PSAP: variants seen among roughly 807,000 people sequenced by gnomAD.
PSAP encodes prosaposin.
Under a neutral mutation model 66.0 loss-of-function variants are expected in PSAP, and 25 were observed. That is an observed-to-expected ratio of 0.38 (90% CI 0.28 to 0.53). The LOEUF (loss-of-function observed/expected upper bound fraction) is 0.53, where lower values mean the gene tolerates loss of function less well. Ranked by LOEUF, PSAP falls within the 20% of genes least tolerant of loss-of-function variation. PSAP has a pLI of 0.83. For missense variants in PSAP, 649 were observed against 668.8 expected (o/e 0.97, Z 0.33); for synonymous variants, 273 against 258.9 (o/e 1.05, Z -0.52).
At chr10:71,824,331 GGGGGTAAGGGATCCCTGA>G (rs1468249997) in intron 7 of PSAP, among the ~76,000 whole-genome samples, 1 of 152,204 alleles carries the variant, frequency 6.6e-6, no homozygotes, top group Non-Finnish European at 1.5e-5. Flanking sequence ...CCCAAGTAAG[GGGGGTAAGGGATCCCTGA>G]GGGGTAAGGG....
intron 4 of PSAP, among the ~76,000 whole-genome samples, chr10:71,830,886 T>G (rs1246631932): frequency 6.6e-6 from 1 of 152,218 alleles, no homozygotes; most frequent in Non-Finnish European, 1.5e-5. Flanking sequence ...CCGGTTTACA[T>G]TCCTTCAGCA....
intron 1 of PSAP, among the ~76,000 whole-genome samples, chr10:71,841,271 T>C (rs1842728693): frequency 6.6e-6 from 1 of 152,258 alleles, no homozygotes. Context: ...CTCTGCACAT[T>C]TGCAGAAGAT....
At chr10:71,819,391 A>C in intron 11 of PSAP, 74 bp downstream of exon 11, 2 of 1,589,356 alleles carry the variant, frequency 1.3e-6, no homozygotes, top group South Asian at 2.2e-5. Flanking sequence ...TTTTCCATCA[A>C]AATGTACCCC....
At chr10:71,851,116 G>A (rs965337442) in intron 1 of PSAP, 66 bp downstream of exon 1, 26 of 1,527,740 alleles carry the variant, frequency 1.7e-5, no homozygotes, top group Non-Finnish European at 2.2e-5. Flanking sequence ...GCCCGGCACA[G>A]CCCATTCTGG....
chr10:71,820,412 GGACACAGA>G (rs1027273513), intron 8 of PSAP, 77 bp from the exon 9 acceptor site: 161 of 1,237,564 alleles, frequency 1.3e-4, no homozygotes, highest in Non-Finnish European at 1.8e-4. Flanking sequence ...AAAGGAAAGG[GGACACAGA>G]GACCAGGGTG....
intron 7 of PSAP, among the ~76,000 whole-genome samples, chr10:71,824,862 C>T (rs1485464277): frequency 1.3e-5 from 2 of 152,170 alleles, no homozygotes; most frequent in South Asian, 2.1e-4. Context: ...GATTAAATCC[C>T]GTCAATGCTT....
At chr10:71,827,425 A>G (rs1445218656) in intron 6 of PSAP, among the ~76,000 whole-genome samples, 1 of 139,014 alleles carries the variant, frequency 7.2e-6, no homozygotes, top group Non-Finnish European at 1.6e-5. Context: ...AAAGAAAAGA[A>G]AAGAAAAAAA....
rs578099574 is a variant in PSAP, at chr10:71,817,429, A to T, written c.*12T>A. The T allele has an allele frequency of 1.9e-6, 3 of 1,613,968 alleles. No individual in the cohort carries two copies. The highest frequency in any genetic ancestry group is 4.5e-5 in the East Asian group (2 of 44,878). The stretch of plus-strand genomic sequence containing the variant: ...ATGCTGTGGTTTCTGCCAAGATGGA[A>T]TATTCCTCCTCCTAGTTCCACACAT... On this transcript the variant is annotated 3_prime_UTR_variant, in exon 14 of 14. Transcript: ENST00000394936.
rs1199611460 is a variant in PSAP, at chr10:71,821,906, G to A, written c.879C>T (p.Ile293=). Residue 293 remains isoleucine, a synonymous_variant, in exon 8 of 14, where the codon ATC becomes ATT. Coordinates refer to ENST00000394936, the MANE Select transcript of PSAP (RefSeq NM_002778.4). The stretch of plus-strand genomic sequence containing the variant: ...TGGGCTCCACCAGTTCCAGGGCAGG[G>A]ATGACATTCTTGGAGGCCACTTTGG... ...VPAKVASKNV[I]PALELVEPIK... The A allele has an allele frequency of 2.7e-5, 44 of 1,614,088 alleles. No homozygotes were observed. Among genetic ancestry groups the A allele is most frequent in the African/African-American group, 4.0e-5 (3 of 74,924 alleles).
chr10:71,833,751 T>C (rs1842566618), intron 2 of PSAP, among the ~76,000 whole-genome samples: 1 of 152,222 alleles, frequency 6.6e-6, no homozygotes, highest in Non-Finnish European at 1.5e-5. Context: ...CTTGTCGCCT[T>C]AGACCATGCC....
intron 8 of PSAP, among the ~76,000 whole-genome samples, chr10:71,821,370 C>T (rs371151833): frequency 6.6e-6 from 1 of 152,214 alleles, no homozygotes; most frequent in South Asian, 2.1e-4. Context: ...ATAATAAATG[C>T]CAAATACAAA....
At position 71,825,894 on chromosome 10, in the gene PSAP, C is replaced by A; in HGVS notation, c.721-1G>T. ...AATACTGGCTGATATAGTTCTTGCA[C>A]TGAGGAGAGAGAAACAGATTGCTAA... is the stretch of plus-strand genomic sequence containing the variant. On this transcript the variant is annotated splice_acceptor_variant, in intron 6 of 13. Coordinates refer to ENST00000394936, the MANE Select transcript of PSAP (RefSeq NM_002778.4). LOFTEE classifies it high-confidence loss of function. The A allele has an allele frequency of 6.2e-7, 1 of 1,612,870 alleles. No homozygotes were observed. Among genetic ancestry groups the A allele is most frequent in the Non-Finnish European group, 8.5e-7 (1 of 1,178,840 alleles).
At chr10:71,839,184 T>C (rs1462121271) in intron 1 of PSAP, among the ~76,000 whole-genome samples, 1 of 55,836 alleles carries the variant, frequency 1.8e-5, no homozygotes, top group African/African-American at 3.8e-5. Context: ...TCGGGGCAAA[T>C]TGAGCACTTC....
chr10:71,851,090 G>T, intron 1 of PSAP, 92 bp downstream of exon 1: 2 of 1,433,594 alleles, frequency 1.4e-6, no homozygotes, highest in Non-Finnish European at 1.9e-6. Flanking sequence ...TAGGGCAGGG[G>T]GAGCAGAGGG....
chr10:71,819,049 A>G lies in PSAP; in HGVS notation c.1413T>C (p.Asp471=). 6.2e-7 allele frequency: 1 copy of G among 1,614,124 alleles called. No individual in the cohort carries two copies. The highest frequency in any genetic ancestry group is 8.5e-7 in the Non-Finnish European group (1 of 1,179,982). ...GGCTCACCAAGCACACGAAGGAAGG[A>G]TCCATCACCTCCACCAGGATCTCGA... ...VLIEILVEVM[D]PSFVCLKIGA... is the part of the protein sequence containing the mutation. The change falls in exon 12 of 14, where the codon GAT becomes GAC. Residue 471 remains aspartate, a synonymous_variant. Coordinates refer to ENST00000394936, the MANE Select transcript of PSAP (RefSeq NM_002778.4).
intron 12 of PSAP, 44 bp from the exon 13 acceptor site, chr10:71,818,768 C>T: frequency 6.7e-7 from 1 of 1,490,028 alleles, no homozygotes; most frequent in Non-Finnish European, 9.4e-7. Flanking sequence ...AGAATGAGAG[C>T]TGCCCGATGT....
At chr10:71,832,543 G>A (rs1266606947) in intron 2 of PSAP, among the ~76,000 whole-genome samples, 2 of 152,154 alleles carry the variant, frequency 1.3e-5, no homozygotes, top group Admixed American at 6.5e-5. Flanking sequence ...TGAGACTGAG[G>A]AACACCTATG....
At chr10:71,850,154 A>G (rs1021099741) in intron 1 of PSAP, among the ~76,000 whole-genome samples, 1 of 152,204 alleles carries the variant, frequency 6.6e-6, no homozygotes, top group African/African-American at 2.4e-5. Flanking sequence ...CACATTCTAT[A>G]GAGAATCCCC....
chr10:71,832,013 C>T (rs1842530868), intron 2 of PSAP, 93 bp from the exon 3 acceptor site: 3 of 1,251,188 alleles, frequency 2.4e-6, no homozygotes, highest in Non-Finnish European at 3.5e-6. Flanking sequence ...GCTATTCTCT[C>T]TAACCAGGGA....
Sources: gnomAD v4.1 joint callset for allele counts (sites outside exome capture counted in the v4.1 genomes callset) on GRCh38, gnomAD v4.1.1 for gene constraint, MANE v1.5 for transcripts, NCBI Gene and HGNC (gene_info 2026-07-23, HGNC 2026-07-21) for gene names.